Variants in GLRA1 observed in about 807,000 individuals in gnomAD.
GLRA1 encodes glycine receptor subunit alpha-1.
Under a neutral mutation model 48.3 loss-of-function variants are expected in GLRA1, and 37 were observed. The observed-to-expected ratio is 0.77, with a 90% CI of 0.59 to 1.01. The LOEUF (loss-of-function observed/expected upper bound fraction) is 1.01. Ranked by LOEUF, GLRA1 falls within the 50% of genes least tolerant of loss-of-function variation. The pLI is 0.00. For synonymous variants in GLRA1, 196 were observed against 210.7 expected (o/e 0.93, Z 0.60); for missense variants, 427 against 571.0 (o/e 0.75, Z 2.57).
chr5:151,923,976 A>G (rs547483561), intron 1 of GLRA1, among the ~76,000 whole-genome samples: 1 of 152,198 alleles, frequency 6.6e-6, no homozygotes, highest in Non-Finnish European at 1.5e-5. Flanking sequence ...AAAGAAAACA[A>G]CAGCAAAAAA....
chr5:151,849,107 T>C lies in GLRA1; in HGVS notation c.912+2283A>G, dbSNP rs961592529. On this transcript the variant is annotated intron_variant, in intron 7 of 8. Coordinates refer to ENST00000274576, the MANE Select transcript of GLRA1 (RefSeq NM_000171.4). ...TCTTTCCTTTTTATTTCTTTTCTTT[T>C]CTTTCTTTCTTTCTTTCTTTCTTTC... 27 of 130,106 alleles carry C rather than the reference T, an allele frequency of 2.1e-4. 1 individual carries two copies. The highest frequency in any genetic ancestry group is 2.0e-3 in the African/African-American group (26 of 12,884). 8.1% of individuals were successfully genotyped at this position (130,106 alleles called of 1,614,324 possible).
At chr5:151,829,691 A>G (rs1290613922) in intron 7 of GLRA1, among the ~76,000 whole-genome samples, 1 of 152,350 alleles carries the variant, frequency 6.6e-6, no homozygotes, top group Middle Eastern at 3.4e-3. Flanking sequence ...CATATGTGCA[A>G]TCATCATCAT....
chr5:151,835,436 A>G (rs895970511), intron 7 of GLRA1, among the ~76,000 whole-genome samples: 8 of 152,200 alleles, frequency 5.3e-5, no homozygotes, highest in Non-Finnish European at 1.0e-4. Flanking sequence ...GGCCAGCATC[A>G]TCCTGATACC....
intron 3 of GLRA1, among the ~76,000 whole-genome samples, chr5:151,881,783 C>T (rs1753769856): frequency 6.6e-6 from 1 of 152,150 alleles, no homozygotes; most frequent in African/African-American, 2.4e-5. Flanking sequence ...TGCTGGCTGC[C>T]TCTCTGCTCT....
intron 1 of GLRA1, among the ~76,000 whole-genome samples, chr5:151,911,600 G>GTTTTTTTTT (rs768033241): frequency 3.2e-5 from 3 of 92,362 alleles, no homozygotes; most frequent in Non-Finnish European, 6.2e-5. Flanking sequence ...CCAAGCTAGA[G>GTTTTTTTTT]TTTTTTTTTT....
chr5:151,859,672 G>A (rs1277844607), intron 4 of GLRA1, 113 bp downstream of exon 4: 2 of 769,094 alleles, frequency 2.6e-6, no homozygotes, highest in African/African-American at 3.4e-5. Flanking sequence ...AAGGTGTTGG[G>A]TTGCCAGGGC....
intron 7 of GLRA1, among the ~76,000 whole-genome samples, chr5:151,830,996 G>A (rs1329441124): frequency 1.3e-5 from 2 of 152,224 alleles, no homozygotes; most frequent in African/African-American, 2.4e-5. Flanking sequence ...GCCCACAGAA[G>A]GTGAGCTGAA....
intron 1 of GLRA1, among the ~76,000 whole-genome samples, chr5:151,921,521 G>C (rs1403804154): frequency 6.6e-6 from 1 of 152,200 alleles, no homozygotes; most frequent in Non-Finnish European, 1.5e-5. Flanking sequence ...GAATTATCCA[G>C]TTAAAAGTGT....
At chr5:151,866,054 T>A (rs1753327519) in intron 3 of GLRA1, among the ~76,000 whole-genome samples, 1 of 152,184 alleles carries the variant, frequency 6.6e-6, no homozygotes, top group Non-Finnish European at 1.5e-5. Context: ...GAGCAGCAAT[T>A]GAATTCTCCA....
At chr5:151,828,870 C>T (rs1246143815) in intron 8 of GLRA1, 51 bp downstream of exon 8, 1 of 1,566,376 alleles carries the variant, frequency 6.4e-7, no homozygotes, top group African/African-American at 1.4e-5. Context: ...GCTTAGAACT[C>T]TTTTGTTTAC....
At chr5:151,830,192 C>A (rs965701713) in intron 7 of GLRA1, among the ~76,000 whole-genome samples, 1 of 152,218 alleles carries the variant, frequency 6.6e-6, no homozygotes, top group African/African-American at 2.4e-5. Context: ...GGAGCTTCTT[C>A]AATGCCTCAT....
chr5:151,835,169 T>C (rs1330089500), intron 7 of GLRA1, among the ~76,000 whole-genome samples: 3 of 149,538 alleles, frequency 2.0e-5, no homozygotes, highest in Admixed American at 1.3e-4. Context: ...AACTAGAAAA[T>C]CTAGGAGAAA....
intron 3 of GLRA1, among the ~76,000 whole-genome samples, chr5:151,872,114 C>T (rs778098644): frequency 4.7e-5 from 7 of 149,518 alleles, no homozygotes; most frequent in Non-Finnish European, 1.0e-4. Context: ...AAAAAGATAG[C>T]ATTTCAAATT....
At chr5:151,905,522 T>C (rs907945069) in intron 1 of GLRA1, among the ~76,000 whole-genome samples, 2 of 152,154 alleles carry the variant, frequency 1.3e-5, no homozygotes, top group African/African-American at 4.8e-5. Flanking sequence ...TTTTTAGCTA[T>C]TATAAATTAT....
intron 1 of GLRA1, among the ~76,000 whole-genome samples, chr5:151,895,321 G>A (rs1561575902): frequency 6.6e-6 from 1 of 152,112 alleles, no homozygotes; most frequent in Non-Finnish European, 1.5e-5. Context: ...AAATGCTTCT[G>A]TAGATGTATG....
At chr5:151,890,780 G>A (rs1334983563) in intron 2 of GLRA1, among the ~76,000 whole-genome samples, 1 of 152,186 alleles carries the variant, frequency 6.6e-6, no homozygotes, top group East Asian at 1.9e-4. Context: ...TTGTGACCCT[G>A]GTGAAGGCTT....
At chr5:151,825,293 T>G (rs1763245010) in intron 8 of GLRA1, among the ~76,000 whole-genome samples, 1 of 152,002 alleles carries the variant, frequency 6.6e-6, no homozygotes, top group African/African-American at 2.4e-5. Flanking sequence ...AGCTGGGGTG[T>G]TGTTCTATTT....
intron 3 of GLRA1, among the ~76,000 whole-genome samples, chr5:151,882,948 A>G (rs1352350754): frequency 6.6e-6 from 1 of 152,208 alleles, no homozygotes; most frequent in East Asian, 1.9e-4. Context: ...GATGAGAAAT[A>G]AAATTGGTTA....
At chr5:151,892,204 A>T (rs185049371) in intron 2 of GLRA1, 107 bp downstream of exon 2, 1 of 1,033,538 alleles carries the variant, frequency 9.7e-7, no homozygotes, top group East Asian at 2.4e-5. Context: ...GGAAAGAGTC[A>T]TGGGATTCAC....
Sources: gnomAD v4.1 joint callset for allele counts (sites outside exome capture counted in the v4.1 genomes callset) on GRCh38, gnomAD v4.1.1 for gene constraint, MANE v1.5 for transcripts, NCBI Gene and HGNC (gene_info 2026-07-23, HGNC 2026-07-21) for gene names.